ZNF644: variants seen among roughly 807,000 people sequenced by gnomAD.
The protein encoded by ZNF644 is zinc finger protein 644.
A neutral mutation model predicts 108.0 loss-of-function variants in ZNF644; 20 were observed. The ratio of observed to expected loss-of-function variants is 0.19; its 90% CI spans 0.13 to 0.27. The LOEUF (loss-of-function observed/expected upper bound fraction) is 0.27. ZNF644 is among the 10% of genes least tolerant of loss of function. ZNF644 has a pLI of 1.00. For synonymous variants in ZNF644, 542 were observed against 539.1 expected (o/e 1.01, Z -0.08); for missense variants, 1,338 against 1,548.9 (o/e 0.86, Z 2.29).
intron 2 of ZNF644, among the ~76,000 whole-genome samples, chr1:90,947,868 A>T (rs918486787): frequency 4.6e-5 from 7 of 152,154 alleles, no homozygotes; most frequent in African/African-American, 1.7e-4. Flanking sequence ...ATAATCTGAC[A>T]CAGTCTATAA....
chr1:90,963,514 A>T lies in ZNF644; in HGVS notation c.44+18796T>A, dbSNP rs934436581. Among the ~76,000 whole-genome samples the T allele has an allele frequency of 2.0e-5, 3 of 152,160 alleles. No individual in the cohort carries two copies. In the South Asian group the frequency reaches 6.2e-4, roughly 32 times the overall value. On this transcript the variant is annotated intron_variant, in intron 2 of 5. Coordinates refer to ENST00000337393, the MANE Select transcript of ZNF644 (RefSeq NM_201269.3). ...CCTAGTATAAATGTTGCACATATGC[A>T]CCAAGAAACATGTACAAGAATGTTC...
At chr1:91,008,742 T>A (rs961577306) in intron 1 of ZNF644, among the ~76,000 whole-genome samples, 1 of 152,206 alleles carries the variant, frequency 6.6e-6, no homozygotes, top group Non-Finnish European at 1.5e-5. Flanking sequence ...CAAATATACC[T>A]CCCGGTTTTA....
At chr1:90,981,543 A>G (rs1230747203) in intron 2 of ZNF644, among the ~76,000 whole-genome samples, 1 of 152,030 alleles carries the variant, frequency 6.6e-6, no homozygotes, top group Admixed American at 6.6e-5. Context: ...GGTTAGAGGG[A>G]AAACCAAGTT....
At chr1:90,965,923 G>C (rs1654821026) in intron 2 of ZNF644, among the ~76,000 whole-genome samples, 1 of 152,060 alleles carries the variant, frequency 6.6e-6, no homozygotes, top group Admixed American at 6.5e-5. Context: ...CTAATTTTTT[G>C]TATTTTTAGT....
At chr1:90,970,470 C>G (rs1265064352) in intron 2 of ZNF644, among the ~76,000 whole-genome samples, 1 of 152,086 alleles carries the variant, frequency 6.6e-6, no homozygotes. Context: ...TTAAAGCACC[C>G]CATACAACTT....
In ZNF644 at chr1:90,941,300, C is replaced by T. The variant is rs773657467; in HGVS notation, c.54G>A (p.Val18=). ...CCATATTGTTGGCAAGCCCATTTAA[C>T]ACATTTAGTCTAGAAAATGGAAAAA... ...DVNKTKSRLN[V]LNGLANNMDD... The change falls in exon 3 of 6, where the codon GTG becomes GTA. Residue 18 remains valine (V), a synonymous_variant. Transcript: ENST00000337393. The T allele has an allele frequency of 2.3e-5, 36 of 1,598,482 alleles. No homozygotes were observed. In the South Asian group the frequency reaches 3.9e-4, roughly 17 times the overall value.
At chr1:90,992,862 C>T (rs1351138197) in intron 1 of ZNF644, among the ~76,000 whole-genome samples, 1 of 152,002 alleles carries the variant, frequency 6.6e-6, no homozygotes, top group Non-Finnish European at 1.5e-5. Context: ...CTGAGCAACA[C>T]AAGGAGACTC....
intron 2 of ZNF644, among the ~76,000 whole-genome samples, chr1:90,959,683 A>T (rs1172524206): frequency 1.3e-5 from 2 of 152,160 alleles, no homozygotes; most frequent in African/African-American, 4.8e-5. Context: ...TAGAGACAGA[A>T]AGTAAAGGTT....
At chr1:90,937,372 G>A in intron 4 of ZNF644, 113 bp downstream of exon 4, 21 of 1,380,352 alleles carry the variant, frequency 1.5e-5, no homozygotes, top group African/African-American at 4.4e-5. Flanking sequence ...AAAAAAAAAA[G>A]CAGCTTAAAC....
In ZNF644 at chr1:90,916,918, A is replaced by G; in HGVS notation, c.3864T>C (p.Ile1288=). Residue 1288 remains isoleucine, a synonymous_variant, in exon 6 of 6, where the codon ATT becomes ATC. Transcript: ENST00000337393. The part of the protein sequence containing the change: ...EDWIKHLQRH[I]VNANLPRTGA... ...CAGTCCGTGGAAGATTAGCGTTTAC[A>G]ATATGTCGTTGTAAGTGCTTAATCC... is the stretch of plus-strand genomic sequence containing the variant. The G allele has an allele frequency of 6.2e-7, 1 of 1,614,194 alleles. No homozygotes were observed. Among genetic ancestry groups the G allele is most frequent in the Non-Finnish European group, 8.5e-7 (1 of 1,180,042 alleles).
chr1:90,950,324 C>CAAAAGAAAAGAAAAGAAAAGAAAAG (rs749730687), intron 2 of ZNF644, among the ~76,000 whole-genome samples: 30 of 63,764 alleles, frequency 4.7e-4, no homozygotes, highest in African/African-American at 6.4e-4. Flanking sequence ...GAAAAGAAAA[C>CAAAAGAAAAGAAAAGAAAAGAAAAG]AAAAGAAAAG....
At chr1:91,005,484 A>G (rs356349) in intron 1 of ZNF644, among the ~76,000 whole-genome samples, 45,982 of 152,086 alleles carry the variant, frequency 0.3, 7,162 homozygotes, top group Middle Eastern at 0.42. Flanking sequence ...TCCACCTAAC[A>G]ACAGCAGAGT....
intron 1 of ZNF644, among the ~76,000 whole-genome samples, chr1:90,992,900 C>T (rs1490621151): frequency 6.6e-6 from 1 of 151,976 alleles, no homozygotes; most frequent in East Asian, 1.9e-4. Flanking sequence ...AAAAATTAGC[C>T]AGGTGTGGTG....
In ZNF644 at chr1:90,916,616, A is replaced by G; in HGVS notation, c.*182T>C. The G allele has an allele frequency of 3.1e-6, 2 of 654,152 alleles. No individual in the cohort carries two copies. Among genetic ancestry groups the G allele is most frequent in the Admixed American group, 2.9e-5 (1 of 35,060 alleles). 40.5% of individuals were successfully genotyped at this position (654,152 alleles called of 1,614,324 possible). The stretch of plus-strand genomic sequence containing the variant: ...ACCTTAAAAACACATCTTCCACCCT[A>G]TATAAAATATATAGACTACTTACTG... On this transcript the variant is annotated 3_prime_UTR_variant, in exon 6 of 6. Coordinates refer to ENST00000337393, the MANE Select transcript of ZNF644 (RefSeq NM_201269.3).
intron 2 of ZNF644, among the ~76,000 whole-genome samples, chr1:90,948,955 AAATT>A (rs1251299060): frequency 6.6e-6 from 1 of 152,188 alleles, no homozygotes; most frequent in African/African-American, 2.4e-5. Context: ...AAAGTTCCAT[AAATT>A]AATTTGCTTA....
At chr1:90,985,123 T>TC (rs1183428474) in intron 1 of ZNF644, among the ~76,000 whole-genome samples, 2 of 152,218 alleles carry the variant, frequency 1.3e-5, no homozygotes, top group African/African-American at 4.8e-5. Flanking sequence ...CTGCATTTGT[T>TC]CCCCACAAAC....
chr1:90,937,789 G>A lies in ZNF644; in HGVS notation c.3384C>T (p.Tyr1128=). ...GAGCTTCAGTCTTTAGGCCATTACG[G>A]TATGCTTCAAGAGGTATAACATTTT... ...ISQNVIPLEA[Y]RNGLKTEALS... is the part of the protein sequence containing the mutation. Residue 1128 remains tyrosine, a synonymous_variant, in exon 4 of 6, where the codon TAC becomes TAT. Coordinates refer to ENST00000337393, the MANE Select transcript of ZNF644 (RefSeq NM_201269.3). The A allele has an allele frequency of 6.2e-7, 1 of 1,613,814 alleles. No individual in the cohort carries two copies. The highest frequency in any genetic ancestry group is 2.2e-5 in the East Asian group (1 of 44,872).
At chr1:90,975,059 G>T (rs1049848530) in intron 2 of ZNF644, among the ~76,000 whole-genome samples, 1 of 152,054 alleles carries the variant, frequency 6.6e-6, no homozygotes, top group Non-Finnish European at 1.5e-5. Flanking sequence ...ATCACCAACA[G>T]TTCCTCCAAG....
chr1:90,938,778 C>T lies in ZNF644; in HGVS notation c.2576G>A (p.Ser859Asn). 3 of 1,613,638 alleles carry T rather than the reference C, an allele frequency of 1.9e-6. No homozygotes were observed. Among genetic ancestry groups the T allele is most frequent in the African/African-American group, 2.7e-5 (2 of 74,968 alleles). Residue 859 changes from serine to asparagine, a missense_variant, in exon 3 of 6, where the codon AGT becomes AAT. Ser to Asn is a conservative substitution (Grantham distance 46, BLOSUM62 1). This residue lies in a region of ZNF644 where 462 missense variants were observed against 472.6 expected (regional missense o/e 0.98). Transcript: ENST00000337393. The surrounding 1 kb of genome is among the most constrained non-coding windows in gnomAD (Gnocchi z 4.2). ...KKDSYETEDE[S>N]SWDNVELGDY... ...TCCTAACTCAACATTATCCCAGGAACTTTCATCTTCTGTTTCATAACTATC... is the reference window on the plus strand; with the variant it reads ...TCCTAACTCAACATTATCCCAGGAATTTTCATCTTCTGTTTCATAACTATC...
Sources: gnomAD v4.1 joint callset for allele counts (sites outside exome capture counted in the v4.1 genomes callset) on GRCh38, gnomAD v4.1.1 for gene constraint, gnomAD v4.1.1 regional missense constraint, Gnocchi (gnomAD v3.1) non-coding constraint, MANE v1.5 for transcripts, NCBI Gene and HGNC (gene_info 2026-07-23, HGNC 2026-07-21) for gene names.